The following ZC3H12B variants were observed in gnomAD, a reference collection of about 807,000 sequenced individuals.
The protein encoded by ZC3H12B is probable ribonuclease ZC3H12B.
In ZC3H12B, 7 loss-of-function variants were observed where a neutral mutation model predicts 43.9. The ratio of observed to expected loss-of-function variants is 0.16; its 90% confidence interval spans 0.09 to 0.30. The LOEUF (loss-of-function observed/expected upper bound fraction) is 0.30, where lower values mean the gene tolerates loss of function less well. Ranked by LOEUF, ZC3H12B falls within the 10% of genes least tolerant of loss-of-function variation. ZC3H12B has a pLI of 1.00. For missense variants in ZC3H12B, 475 were observed against 670.2 expected, an observed-to-expected ratio of 0.71 and a Z score of 3.22; for synonymous variants, 222 against 241.7, an observed-to-expected ratio of 0.92 and a Z score of 0.76.
At chrX:65,486,239 C>A (rs2068122547), upstream of ZC3H12B, among the ~76,000 whole-genome samples, 1 of 112,188 alleles carries the variant, frequency 8.9e-6, no homozygotes, top group African/African-American at 3.2e-5. Context: ...TTAGTAAACA[C>A]TCCCTTCATT....
At chrX:65,324,964 C>A in the ZC3H12B span, among the ~76,000 whole-genome samples, 2 of 110,495 alleles carry the variant, frequency 1.8e-5, no homozygotes, top group African/African-American at 6.6e-5. Context: ...TTTAGGTGCT[C>A]CAGTATTGGG....
At chrX:65,314,525 A>T in the ZC3H12B span, among the ~76,000 whole-genome samples, 1 of 112,325 alleles carries the variant, frequency 8.9e-6, no homozygotes, top group East Asian at 2.8e-4. Context: ...TAAATGAACT[A>T]TCCATCCAGA....
the ZC3H12B span, among the ~76,000 whole-genome samples, chrX:65,258,515 G>T: frequency 6.3e-5 from 7 of 111,542 alleles, no homozygotes; most frequent in Non-Finnish European, 1.3e-4. Flanking sequence ...AAGAAGACAA[G>T]GATGTGCTTT....
the ZC3H12B span, among the ~76,000 whole-genome samples, chrX:65,165,705 T>G: frequency 8.9e-6 from 1 of 112,507 alleles, no homozygotes; most frequent in Non-Finnish European, 1.9e-5. Flanking sequence ...TTGATCAACA[T>G]TTGAGTTGGT....
chrX:65,237,253 T>A, the ZC3H12B span, among the ~76,000 whole-genome samples: 2 of 111,547 alleles, frequency 1.8e-5, no homozygotes, highest in Non-Finnish European at 3.8e-5. Context: ...GTTTGTTTGT[T>A]TGTTTGTTTG....
chrX:65,452,491 T>C (rs1480037859), intron 3 of ZC3H12B, among the ~76,000 whole-genome samples: 1 of 108,817 alleles, frequency 9.2e-6, no homozygotes, highest in Non-Finnish European at 1.9e-5. Flanking sequence ...GATAGACCTC[T>C]ACAAGGAAAA....
At chrX:65,050,153 T>C in the ZC3H12B span, among the ~76,000 whole-genome samples, 12 of 111,549 alleles carry the variant, frequency 1.1e-4, no homozygotes, top group African/African-American at 3.9e-4. Context: ...TATTTCTAAG[T>C]ATTATATTCT....
At chrX:65,182,639 A>G in the ZC3H12B span, among the ~76,000 whole-genome samples, 1 of 110,240 alleles carries the variant, frequency 9.1e-6, no homozygotes, top group Non-Finnish European at 1.9e-5. Context: ...CAACCTACAG[A>G]ATTGAAGAAA....
At chrX:65,392,461 C>A (rs762145297) in intron 2 of ZC3H12B, among the ~76,000 whole-genome samples, 1 of 88,951 alleles carries the variant, frequency 1.1e-5, no homozygotes, top group African/African-American at 4.2e-5. Context: ...GCAGCCGTCC[C>A]GTCTGGGAAG....
the ZC3H12B span, among the ~76,000 whole-genome samples, chrX:65,044,698 A>C: frequency 9.0e-6 from 1 of 111,524 alleles, no homozygotes; most frequent in Admixed American, 9.5e-5. Context: ...GATTATGAAG[A>C]TATAGACACA....
At chrX:65,486,802 T>G (rs1343909852), upstream of ZC3H12B, among the ~76,000 whole-genome samples, 1 of 112,594 alleles carries the variant, frequency 8.9e-6, no homozygotes, top group African/African-American at 3.2e-5. Context: ...AAATATTTGA[T>G]AGTATGAAAT....
intron 2 of ZC3H12B, among the ~76,000 whole-genome samples, chrX:65,376,366 A>G (rs1017607043): frequency 6.3e-5 from 7 of 111,862 alleles, no homozygotes; most frequent in African/African-American, 2.3e-4. Flanking sequence ...GAAGGGAGAG[A>G]TGCAATGCAG....
the ZC3H12B span, among the ~76,000 whole-genome samples, chrX:65,153,052 C>T: frequency 8.9e-6 from 1 of 111,768 alleles, no homozygotes; most frequent in African/African-American, 3.3e-5. Context: ...GAAACTGGAT[C>T]CCTTCCTTAC....
the ZC3H12B span, among the ~76,000 whole-genome samples, chrX:65,080,147 C>T: frequency 5.7e-3 from 589 of 102,781 alleles, 3 homozygotes; most frequent in Admixed American, 1.0e-2. Flanking sequence ...GAGTAATGAG[C>T]TTGAAGACAG....
At chrX:65,120,841 G>T in the ZC3H12B span, among the ~76,000 whole-genome samples, 1 of 111,397 alleles carries the variant, frequency 9.0e-6, no homozygotes, top group African/African-American at 3.3e-5. Flanking sequence ...CAAATTTATC[G>T]AGAGTTTTTT....
At chrX:65,265,802 A>T in the ZC3H12B span, among the ~76,000 whole-genome samples, 5 of 112,136 alleles carry the variant, frequency 4.5e-5, no homozygotes, top group Non-Finnish European at 9.4e-5. Context: ...TGACATAAAT[A>T]ATAAGAAAAC....
exon 5 of ZC3H12B, chrX:65,503,797 A>C (rs1380134669): frequency 9.0e-6 from 1 of 110,619 alleles, no homozygotes; most frequent in Non-Finnish European, 1.9e-5. Context: ...TTGTATTTTT[A>C]GTAGAGACGT....
chrX:65,391,319 T>G (rs2066613311), intron 2 of ZC3H12B, among the ~76,000 whole-genome samples: 1 of 112,380 alleles, frequency 8.9e-6, no homozygotes, highest in Admixed American at 9.5e-5. Flanking sequence ...AAAAATTAAG[T>G]TATTACAGGC....
chrX:65,183,097 A>T, the ZC3H12B span, among the ~76,000 whole-genome samples: 1 of 112,288 alleles, frequency 8.9e-6, no homozygotes, highest in Non-Finnish European at 1.9e-5. Context: ...AATGTAAATC[A>T]GTCTACTCTA....
Sources: allele counts gnomAD v4.1 joint callset (sites outside exome capture counted in the v4.1 genomes callset), GRCh38; gene constraint gnomAD v4.1.1; transcripts MANE v1.5; gene names NCBI Gene and HGNC (gene_info 2026-07-23, HGNC 2026-07-21).